The following ATR variants were observed in gnomAD, a reference collection of about 807,000 sequenced individuals.
The protein encoded by ATR is serine/threonine-protein kinase ATR.
ATR carries 142 observed loss-of-function variants against 305.3 expected under a neutral mutation model. The ratio of observed to expected loss-of-function variants is 0.47; its 90% CI spans 0.41 to 0.53. The LOEUF (loss-of-function observed/expected upper bound fraction) is 0.53. Ranked by LOEUF, ATR falls within the 20% of genes least tolerant of loss-of-function variation. The pLI is 0.00. For synonymous variants in ATR, 1,050 were observed against 1,068.1 expected (o/e 0.98, Z 0.33); for missense variants, 2,135 against 3,133.1 (o/e 0.68, Z 7.60).
intron 21 of ATR, among the ~76,000 whole-genome samples, chr3:142,524,956 A>G (rs1280776661): frequency 6.6e-6 from 1 of 152,248 alleles, no homozygotes. Context: ...AGTCAAGTGT[A>G]TAGGAGCATC....
chr3:142,495,722 C>A (rs1477156290), intron 34 of ATR, among the ~76,000 whole-genome samples: 1 of 151,852 alleles, frequency 6.6e-6, no homozygotes, highest in Non-Finnish European at 1.5e-5. Flanking sequence ...CCAGCCTGGG[C>A]AACAGAGTGA....
At chr3:142,468,168 T>G in intron 38 of ATR, 100 bp from the exon 39 acceptor site, 6 of 1,393,364 alleles carry the variant, frequency 4.3e-6, no homozygotes, top group Non-Finnish European at 5.9e-6. Flanking sequence ...GTATTCATGA[T>G]GAGAGTTTAT....
intron 42 of ATR, among the ~76,000 whole-genome samples, chr3:142,460,921 C>A: frequency 6.6e-6 from 1 of 152,050 alleles, no homozygotes. Flanking sequence ...TCAGGAAATT[C>A]TTATTATTAC....
intron 19 of ATR, among the ~76,000 whole-genome samples, chr3:142,537,334 T>G (rs1179556025): frequency 6.6e-6 from 1 of 152,052 alleles, no homozygotes; most frequent in Non-Finnish European, 1.5e-5. Flanking sequence ...CCTCCAGCCT[T>G]GTCCTCCCAA....
At position 142,568,668 on chromosome 3, in the gene ATR, C is replaced by G. The variant is rs567703364; in HGVS notation, c.60-514G>C. 4.7e-3 allele frequency among the ~76,000 whole-genome samples: 711 copies of G among 152,342 alleles called. 9 individuals carry two copies. The highest frequency in any genetic ancestry group is 0.016 in the African/African-American group (670 of 41,576). ...CAACCACGGCTGCAAACCCAGGCAT[C>G]CCTGCTCTTTCCAGGGCCGGGAAGG... On this transcript the variant is annotated intron_variant, in intron 1 of 46. Coordinates refer to ENST00000350721, the MANE Select transcript of ATR (RefSeq NM_001184.4).
At position 142,517,368 on chromosome 3, in the gene ATR, A is replaced by C. The variant is rs899062853; in HGVS notation, c.4383-1853T>G. ...CCCAAATTAAAAAAAAAAAAAACATAAAGTAGGGAGTATAACTTAAAGGCA... is the reference window on the plus strand; with the variant it reads ...CCCAAATTAAAAAAAAAAAAAACATCAAGTAGGGAGTATAACTTAAAGGCA... On this transcript the variant is annotated intron_variant, in intron 24 of 46. Coordinates refer to ENST00000350721, the MANE Select transcript of ATR (RefSeq NM_001184.4). Among the ~76,000 whole-genome samples the C allele has an allele frequency of 2.6e-5, 4 of 151,792 alleles. No homozygotes were observed. The South Asian group carries it at 8.3e-4, about 31-fold the overall frequency.
At chr3:142,483,010 CTT>C (rs1227169409) in intron 36 of ATR, among the ~76,000 whole-genome samples, 5 of 92,264 alleles carry the variant, frequency 5.4e-5, no homozygotes, top group Non-Finnish European at 4.7e-5. Flanking sequence ...TTCTTTCTTT[CTT>C]TTTTTTTTTT....
intron 7 of ATR, 29 bp from the exon 8 acceptor site, chr3:142,558,805 T>C: frequency 6.3e-7 from 1 of 1,575,828 alleles, no homozygotes; most frequent in South Asian, 1.1e-5. Context: ...AGTCATTAAT[T>C]ATAACTTTTC....
Position 142,555,951 on chromosome 3 carries a change from G to A in ATR, c.2267C>T (p.Ser756Phe), listed in dbSNP as rs2034654634. Residue 756 changes from serine to phenylalanine, a missense_variant, in exon 10 of 47, where the codon TCT becomes TTT. Ser to Phe is a radical substitution (Grantham distance 155, BLOSUM62 -2). This residue lies in a region of ATR where 530 missense variants were observed against 766.8 expected (regional missense o/e 0.69). Coordinates refer to ENST00000350721, the MANE Select transcript of ATR (RefSeq NM_001184.4). ...CTTGCAGACAGAAGCTTTTAGTTGAGAAGATGAACATTCATGTTGAGAAGT... is the reference window on the plus strand; with the variant it reads ...CTTGCAGACAGAAGCTTTTAGTTGAAAAGATGAACATTCATGTTGAGAAGT... ...KATSQHECSSSQLKASVCKPF... is the reference protein window; with the variant it reads ...KATSQHECSSFQLKASVCKPF... The A allele has an allele frequency of 1.2e-6, 2 of 1,613,412 alleles. No homozygotes were observed. Among genetic ancestry groups the A allele is most frequent in the Non-Finnish European group, 1.7e-6 (2 of 1,179,830 alleles).
At chr3:142,454,215 G>T (rs1256603870) in intron 45 of ATR, among the ~76,000 whole-genome samples, 1 of 152,104 alleles carries the variant, frequency 6.6e-6, no homozygotes, top group Non-Finnish European at 1.5e-5. Flanking sequence ...CACTTGCCTT[G>T]ATATTTTTAT....
At chr3:142,528,879 A>ATATATATATATATATATAT (rs1215767510) in intron 21 of ATR, among the ~76,000 whole-genome samples, 2 of 30,488 alleles carry the variant, frequency 6.6e-5, no homozygotes, top group Non-Finnish European at 1.0e-4. Context: ...ATATATATAT[A>ATATATATATATATATATAT]TTTTTTTTTT....
intron 27 of ATR, among the ~76,000 whole-genome samples, chr3:142,510,476 A>T (rs1372135956): frequency 6.6e-6 from 1 of 152,210 alleles, no homozygotes; most frequent in Non-Finnish European, 1.5e-5. Context: ...AGAAAAAAAA[A>T]TTAAAAAACA....
At chr3:142,466,993 A>C (rs2071145580) in intron 39 of ATR, among the ~76,000 whole-genome samples, 1 of 152,204 alleles carries the variant, frequency 6.6e-6, no homozygotes, top group Admixed American at 6.5e-5. Context: ...TTAGTGTTTT[A>C]ATAAATGTTG....
chr3:142,528,880 T>TATATATATATATA (rs1491576068), intron 21 of ATR, among the ~76,000 whole-genome samples: 16 of 38,558 alleles, frequency 4.1e-4, no homozygotes, highest in African/African-American at 1.9e-3. Context: ...TATATATATA[T>TATATATATATATA]TTTTTTTTTT....
intron 21 of ATR, among the ~76,000 whole-genome samples, chr3:142,528,858 TA>T (rs1379479380): frequency 3.4e-5 from 2 of 58,094 alleles, no homozygotes; most frequent in African/African-American, 2.6e-4. Context: ...AATTATCATA[TA>T]TATATATATA....
Position 142,558,874 on chromosome 3 carries a change from A to C in ATR, c.1733-98T>G, listed in dbSNP as rs543825303. The C allele has an allele frequency of 4.8e-6, 6 of 1,246,164 alleles. No homozygotes were observed. The East Asian group carries it at 1.3e-4, about 27-fold the overall frequency. 77.2% of individuals were successfully genotyped at this position (1,246,164 alleles called of 1,614,324 possible). On this transcript the variant is annotated intron_variant, in intron 7 of 46. Coordinates refer to ENST00000350721, the MANE Select transcript of ATR (RefSeq NM_001184.4). Reference sequence around the variant, plus strand: ...CATTTGAAATACTATCATAATGATCATTGGATAAGCAGAAATTCTTAACAC... The same window carrying C: ...CATTTGAAATACTATCATAATGATCCTTGGATAAGCAGAAATTCTTAACAC...
In ATR at chr3:142,469,412, G is replaced by A. The variant is rs1227544902; in HGVS notation, c.6477C>T (p.Val2159=). 1 of 1,613,858 alleles carries A rather than the reference G, an allele frequency of 6.2e-7. No homozygotes were observed. Among genetic ancestry groups the A allele is most frequent in the Non-Finnish European group, 8.5e-7 (1 of 1,179,896 alleles). Residue 2159 remains valine, a synonymous_variant, in exon 38 of 47, where the codon GTC becomes GTT. Coordinates refer to ENST00000350721, the MANE Select transcript of ATR (RefSeq NM_001184.4). ...ATACTTTGGCTATTATTTCCATCAA[G>A]ACAACAAAAACTTCATCGTGAGAAT... is the stretch of plus-strand genomic sequence containing the variant. The part of the protein sequence containing the change: ...ICHSHDEVFV[V]LMEIIAKVFL...
intron 30 of ATR, among the ~76,000 whole-genome samples, chr3:142,502,368 T>A (rs1475812741): frequency 6.7e-6 from 1 of 148,378 alleles, no homozygotes; most frequent in East Asian, 2.0e-4. Context: ...ATATACACAA[T>A]GGAATACTAT....
At position 142,508,182 on chromosome 3, in the gene ATR, A is replaced by T. The variant is rs544638539; in HGVS notation, c.4853-73T>A. On this transcript the variant is annotated intron_variant, in intron 27 of 46. Transcript: ENST00000350721. Reference sequence around the variant, plus strand: ...TTAAAAGTGTCAATTTAAGTATTTAAGTTCAATTTATTTCACTAAACAAAT... The same window carrying T: ...TTAAAAGTGTCAATTTAAGTATTTATGTTCAATTTATTTCACTAAACAAAT... 9 of 1,295,754 alleles carry T rather than the reference A, an allele frequency of 6.9e-6. No individual in the cohort carries two copies. The South Asian group carries it at 8.2e-5, about 12-fold the overall frequency. 80.3% of individuals were successfully genotyped at this position (1,295,754 alleles called of 1,614,324 possible). A position where few individuals can be genotyped will look rare whatever the true frequency, so the allele number is the denominator to read the frequency against.
Sources: gnomAD v4.1 joint callset for allele counts (sites outside exome capture counted in the v4.1 genomes callset) on GRCh38, gnomAD v4.1.1 for gene constraint, gnomAD v4.1.1 regional missense constraint, MANE v1.5 for transcripts, NCBI Gene and HGNC (gene_info 2026-07-23, HGNC 2026-07-21) for gene names.